Variants in PPIL6 observed in about 807,000 individuals in gnomAD.
PPIL6 encodes peptidylprolyl isomerase like 6.
PPIL6 carries 39 observed loss-of-function variants against 36.8 expected under a neutral mutation model. That is an observed-to-expected ratio of 1.06 (90% CI 0.82 to 1.38). The LOEUF (loss-of-function observed/expected upper bound fraction) is 1.38, where lower values mean the gene tolerates loss of function less well. Among genes scored for constraint, PPIL6 ranks in the 40% most tolerant of loss-of-function variants. PPIL6 has a pLI of 0.00. For missense variants in PPIL6, 368 were observed against 379.1 expected, an observed-to-expected ratio of 0.97 and a Z score of 0.24; for synonymous variants, 123 against 134.1, an observed-to-expected ratio of 0.92 and a Z score of 0.57.
intron 3 of PPIL6, among the ~76,000 whole-genome samples, chr6:109,429,613 T>C (rs1774017474): frequency 6.6e-6 from 1 of 152,172 alleles, no homozygotes; most frequent in Non-Finnish European, 1.5e-5. Flanking sequence ...TGCTCCTGCC[T>C]GGGCTTAGGT....
intron 5 of PPIL6, among the ~76,000 whole-genome samples, chr6:109,425,491 G>GT (rs1380650245): frequency 6.6e-6 from 1 of 152,196 alleles, no homozygotes; most frequent in Admixed American, 6.5e-5. Context: ...GCTCATGCCT[G>GT]TAATCCCAGC....
At chr6:109,418,012 G>C (rs999089792) in intron 6 of PPIL6, 6 of 152,192 alleles carry the variant, frequency 3.9e-5, no homozygotes, top group African/African-American at 1.2e-4. Flanking sequence ...TTGTTATATA[G>C]GGTGACATTA....
chr6:109,431,092 A>T, intron 3 of PPIL6, 65 bp downstream of exon 3: 2 of 1,118,910 alleles, frequency 1.8e-6, no homozygotes, highest in Non-Finnish European at 2.6e-6. Flanking sequence ...ATCAATAATT[A>T]ATGCTGAATC....
intron 3 of PPIL6, among the ~76,000 whole-genome samples, chr6:109,429,165 C>T (rs570771324): frequency 7.2e-5 from 11 of 152,338 alleles, no homozygotes; most frequent in African/African-American, 2.6e-4. Flanking sequence ...GTCTCTGGAA[C>T]GCTTCATGAC....
At chr6:109,424,070 A>C (rs2115258014) in intron 5 of PPIL6, among the ~76,000 whole-genome samples, 1 of 152,320 alleles carries the variant, frequency 6.6e-6, no homozygotes, top group South Asian at 2.1e-4. Context: ...AAGTGCTAGG[A>C]AGAAAGATAA....
At chr6:109,423,410 T>G (rs539540982) in intron 5 of PPIL6, among the ~76,000 whole-genome samples, 1 of 152,096 alleles carries the variant, frequency 6.6e-6, no homozygotes, top group Non-Finnish European at 1.5e-5. Context: ...ACTTTTTTTT[T>G]TCTAAAGCCA....
At chr6:109,419,883 G>C (rs1356874695) in intron 5 of PPIL6, among the ~76,000 whole-genome samples, 1 of 152,024 alleles carries the variant, frequency 6.6e-6, no homozygotes, top group Non-Finnish European at 1.5e-5. Context: ...ACTTTTGAAA[G>C]GATGAAGCAT....
In PPIL6 at chr6:109,431,204, C is replaced by T. The variant is rs1370476058; in HGVS notation, c.373G>A (p.Asp125Asn). The T allele has an allele frequency of 6.2e-7, 1 of 1,613,502 alleles. No homozygotes were observed. The highest frequency in any genetic ancestry group is 1.7e-5 in the Admixed American group (1 of 59,934). Residue 125 changes from aspartate (D) to asparagine (N), a missense_variant, in exon 3 of 8, where the codon GAC becomes AAC. Physicochemically the swap from Asp to Asn is conservative, Grantham distance 23. Transcript: ENST00000521072. ...GCGGAAAAATCCTCAGTGAGTGCGT[C>T]ATAAAGTGCAGAGGGTTTAATGTCA... is the stretch of plus-strand genomic sequence containing the variant. ...IVDIKPSALYDALTEDFSAKF... is the reference protein window; with the variant it reads ...IVDIKPSALYNALTEDFSAKF...
chr6:109,417,550 T>C (rs1258902927), intron 6 of PPIL6, among the ~76,000 whole-genome samples: 1 of 152,216 alleles, frequency 6.6e-6, no homozygotes, highest in African/African-American at 2.4e-5. Flanking sequence ...TTTATTCTTA[T>C]AATCACCTTG....
intron 7 of PPIL6, among the ~76,000 whole-genome samples, chr6:109,393,784 T>TA (rs1421456564): frequency 2.0e-5 from 3 of 152,062 alleles, no homozygotes; most frequent in Non-Finnish European, 4.4e-5. Flanking sequence ...CCCCCACCCC[T>TA]ACCCTTTGGC....
chr6:109,405,694 G>A (rs1772770512), intron 6 of PPIL6, among the ~76,000 whole-genome samples: 2 of 152,120 alleles, frequency 1.3e-5, no homozygotes, highest in African/African-American at 4.8e-5. Flanking sequence ...GCTACATGGA[G>A]CCACATAGGA....
chr6:109,432,020 A>G (rs1225677712), intron 2 of PPIL6, among the ~76,000 whole-genome samples: 1 of 152,232 alleles, frequency 6.6e-6, no homozygotes, highest in Non-Finnish European at 1.5e-5. Context: ...AGGTCGACAC[A>G]TTAATAGAAG....
In PPIL6 at chr6:109,400,104, C is replaced by T. The variant is rs1772468623; in HGVS notation, c.755G>A (p.Ser252Asn). The change falls in exon 7 of 8, where the codon AGC becomes AAC. Residue 252 changes from serine to asparagine, a missense_variant. Physicochemically the swap from Ser to Asn is conservative, Grantham distance 46 (BLOSUM62 1). Transcript: ENST00000521072. ...TGTGATATAGAATTGTGACCCGTTGCTGTGACGGCCTTTGTTGGCCATTCC... is the reference window on the plus strand; with the variant it reads ...TGTGATATAGAATTGTGACCCGTTGTTGTGACGGCCTTTGTTGGCCATTCC... ...VLGMANKGRH[S>N]NGSQFYITLQ... 1.9e-6 allele frequency: 3 copies of T among 1,613,758 alleles called. No individual in the cohort carries two copies. Among genetic ancestry groups the T allele is most frequent in the Non-Finnish European group, 2.5e-6 (3 of 1,179,734 alleles).
chr6:109,418,053 TAGAA>T (rs1773353868), intron 6 of PPIL6: 1 of 152,464 alleles, frequency 6.6e-6, no homozygotes, highest in Non-Finnish European at 1.5e-5. Flanking sequence ...GATGTGTCTT[TAGAA>T]AGAAAGTAGA....
chr6:109,416,104 A>G (rs1774894513), intron 6 of PPIL6, among the ~76,000 whole-genome samples: 1 of 151,742 alleles, frequency 6.6e-6, no homozygotes, highest in South Asian at 2.1e-4. Context: ...TGGATCATAA[A>G]CCCAACTGCA....
At chr6:109,440,409 C>A (rs1774770345) in intron 1 of PPIL6, 47 bp downstream of exon 1, 2 of 1,526,840 alleles carry the variant, frequency 1.3e-6, no homozygotes, top group Non-Finnish European at 1.8e-6. Flanking sequence ...CGGCCGAGAG[C>A]GGGTAGCGGG....
intron 3 of PPIL6, among the ~76,000 whole-genome samples, chr6:109,430,162 G>C (rs1306872926): frequency 6.6e-6 from 1 of 152,222 alleles, no homozygotes; most frequent in African/African-American, 2.4e-5. Context: ...AATGAGACAA[G>C]GCCTTTACCT....
At chr6:109,393,698 C>G (rs148526824) in intron 7 of PPIL6, among the ~76,000 whole-genome samples, 1,631 of 152,266 alleles carry the variant, frequency 0.011, 13 homozygotes, top group Non-Finnish European at 0.016. Flanking sequence ...CTTCCTGTTG[C>G]TCTCTGCTAC....
At chr6:109,416,167 C>T (rs1773240545) in intron 6 of PPIL6, among the ~76,000 whole-genome samples, 4 of 148,982 alleles carry the variant, frequency 2.7e-5, no homozygotes, top group African/African-American at 9.9e-5. Context: ...AATGATAGTG[C>T]TTGCTTCTCT....
Sources: gnomAD v4.1 joint callset for allele counts (sites outside exome capture counted in the v4.1 genomes callset) on GRCh38, gnomAD v4.1.1 for gene constraint, MANE v1.5 for transcripts, NCBI Gene and HGNC (gene_info 2026-07-23, HGNC 2026-07-21) for gene names.